FHOD3: variants seen among roughly 807,000 people sequenced by gnomAD.
The protein encoded by FHOD3 is formin homology 2 domain containing 3, also known as FH1/FH2 domain-containing protein 3.
Under a neutral mutation model 173.0 loss-of-function variants are expected in FHOD3, and 90 were observed. The ratio of observed to expected loss-of-function variants is 0.52; its 90% CI spans 0.44 to 0.62. The LOEUF (loss-of-function observed/expected upper bound fraction) is 0.62. FHOD3 is among the 20% of genes least tolerant of loss of function. The probability of loss-of-function intolerance (pLI) is 0.00; values close to 1 mark genes in which losing one functional copy is unlikely to be tolerated. For missense variants in FHOD3, 1,945 were observed against 2,034.7 expected (o/e 0.96, Z 0.85); for synonymous variants, 828 against 823.0 (o/e 1.01, Z -0.10).
rs2040570790 is a variant in FHOD3, at chr18:36,718,296, C to T, written c.2998C>T (p.Leu1000=). 2 of 1,614,034 alleles carry T rather than the reference C, an allele frequency of 1.2e-6. No homozygotes were observed. The highest frequency in any genetic ancestry group is 2.7e-5 in the African/African-American group (2 of 74,906). The change falls in exon 19 of 29, where the codon CTG becomes TTG. Residue 1000 remains leucine, a synonymous_variant. Coordinates refer to ENST00000590592, the MANE Select transcript of FHOD3 (RefSeq NM_001281740.3). ...AATCCAAGACATGGATTTCACTGACCTGGGGGAGGAGGATGACATTGATGT... is the reference window on the plus strand; with the variant it reads ...AATCCAAGACATGGATTTCACTGACTTGGGGGAGGAGGATGACATTGATGT... ...LRIQDMDFTD[L]GEEDDIDVLD...
chr18:36,399,620 G>C (rs1157157816), intron 3 of FHOD3, among the ~76,000 whole-genome samples: 1 of 152,198 alleles, frequency 6.6e-6, no homozygotes, highest in Non-Finnish European at 1.5e-5. Context: ...CTCAGGGCAT[G>C]CACCTTGCTG....
At chr18:36,327,009 A>G (rs2044706022) in intron 1 of FHOD3, among the ~76,000 whole-genome samples, 1 of 152,178 alleles carries the variant, frequency 6.6e-6, no homozygotes, top group Non-Finnish European at 1.5e-5. Flanking sequence ...GAACCAGACA[A>G]AAATAGGCAC....
intron 2 of FHOD3, among the ~76,000 whole-genome samples, chr18:36,363,828 A>G (rs1213690429): frequency 1.3e-5 from 2 of 151,010 alleles, no homozygotes; most frequent in African/African-American, 2.4e-5. Flanking sequence ...AATATCAGTT[A>G]ATCTGTTGTA....
At chr18:36,594,969 A>G (rs752679918) in intron 7 of FHOD3, 71 bp downstream of exon 7, 4 of 958,752 alleles carry the variant, frequency 4.2e-6, no homozygotes, top group Non-Finnish European at 4.8e-6. Context: ...TGTGTTGTAC[A>G]TGCTTGAGAC....
rs544657315 is a variant in FHOD3, at chr18:36,432,698, G to A, written c.337+59954G>A. Among the ~76,000 whole-genome samples the A allele has an allele frequency of 2.5e-3, 385 of 152,312 alleles. 1 individual carries two copies. Among genetic ancestry groups the A allele is most frequent in the African/African-American group, 8.7e-3 (360 of 41,580 alleles). ...TTGAGCTCATGGGTCACTGTCAACT[G>A]CAGAGGACAGTAAATGGCTCCTTCT... On this transcript the variant is annotated intron_variant, in intron 3 of 28. Transcript: ENST00000590592.
chr18:36,337,849 G>A (rs1241586684), intron 1 of FHOD3, among the ~76,000 whole-genome samples: 1 of 152,124 alleles, frequency 6.6e-6, no homozygotes, highest in African/African-American at 2.4e-5. Flanking sequence ...TGCATCTCAG[G>A]CATCTCACAG....
At chr18:36,456,444 G>T (rs748417248) in intron 3 of FHOD3, among the ~76,000 whole-genome samples, 2 of 152,108 alleles carry the variant, frequency 1.3e-5, no homozygotes, top group Non-Finnish European at 2.9e-5. Context: ...AAGGACAGTT[G>T]ATTGTAATAG....
chr18:36,569,944 C>A (rs992058167), intron 5 of FHOD3, among the ~76,000 whole-genome samples: 3 of 151,916 alleles, frequency 2.0e-5, no homozygotes, highest in African/African-American at 7.2e-5. Context: ...CTAGCATTAC[C>A]TGCATATATT....
At chr18:36,556,681 GTT>G (rs898829351) in intron 5 of FHOD3, among the ~76,000 whole-genome samples, 8 of 152,112 alleles carry the variant, frequency 5.3e-5, no homozygotes, top group African/African-American at 9.7e-5. Context: ...TTATTTTTCT[GTT>G]TAAGTAGCCA....
chr18:36,548,606 C>G (rs536922883), intron 5 of FHOD3, among the ~76,000 whole-genome samples: 1 of 152,190 alleles, frequency 6.6e-6, no homozygotes, highest in African/African-American at 2.4e-5. Flanking sequence ...CCCATCCCTT[C>G]CCCAGGCAAC....
chr18:36,664,130 G>A (rs1419358537), intron 14 of FHOD3, among the ~76,000 whole-genome samples: 1 of 151,924 alleles, frequency 6.6e-6, no homozygotes, highest in Non-Finnish European at 1.5e-5. Flanking sequence ...TGTGCAATGG[G>A]GTTCTAGTTT....
intron 3 of FHOD3, among the ~76,000 whole-genome samples, chr18:36,431,617 G>A (rs1164315296): frequency 6.6e-6 from 1 of 152,140 alleles, no homozygotes; most frequent in African/African-American, 2.4e-5. Context: ...GGCCTCTAAG[G>A]TCCCTTCCAA....
chr18:36,430,112 A>G lies in FHOD3; in HGVS notation c.337+57368A>G, dbSNP rs569647195. 8.5e-5 allele frequency among the ~76,000 whole-genome samples: 13 copies of G among 152,352 alleles called. No homozygotes were observed. In the South Asian group the frequency reaches 2.7e-3, roughly 32 times the overall value. On this transcript the variant is annotated intron_variant, in intron 3 of 28. Transcript: ENST00000590592. ...GAAGGGTCTTCATTTGAAAGAGAAC[A>G]AAGATATAGGACTATGTCAGCCCCT...
chr18:36,529,082 G>T (rs960284208), intron 5 of FHOD3, among the ~76,000 whole-genome samples: 14 of 152,236 alleles, frequency 9.2e-5, no homozygotes, highest in African/African-American at 3.4e-4. Flanking sequence ...CCTTGGAGTT[G>T]TATAAATAGA....
At chr18:36,598,275 G>T (rs899752044) in intron 7 of FHOD3, among the ~76,000 whole-genome samples, 1 of 152,184 alleles carries the variant, frequency 6.6e-6, no homozygotes, top group African/African-American at 2.4e-5. Context: ...AAAACTGTCA[G>T]ATTTAAGGAA....
chr18:36,302,966 A>G (rs1450331999), intron 1 of FHOD3, among the ~76,000 whole-genome samples: 1 of 152,218 alleles, frequency 6.6e-6, no homozygotes, highest in Non-Finnish European at 1.5e-5. Context: ...TGTTTCATGC[A>G]TGGCCACAGA....
intron 27 of FHOD3, among the ~76,000 whole-genome samples, chr18:36,763,911 G>A (rs1479853932): frequency 2.0e-5 from 3 of 152,122 alleles, no homozygotes; most frequent in Admixed American, 6.5e-5. Context: ...CTCTGAGATC[G>A]GGTCTTTCCA....
chr18:36,420,911 G>C lies in FHOD3; in HGVS notation c.337+48167G>C, dbSNP rs904439670. Among the ~76,000 whole-genome samples, 4 of 152,144 alleles carry C rather than the reference G, an allele frequency of 2.6e-5. No homozygotes were observed. In the South Asian group the frequency reaches 8.3e-4, roughly 32 times the overall value. On this transcript the variant is annotated intron_variant, in intron 3 of 28. Transcript: ENST00000590592. ...CATCTCTTGTTAGTTTTTCATTTCA[G>C]CTGTTGACTCCTCAGTAGTGCTGGA... is the stretch of plus-strand genomic sequence containing the variant.
chr18:36,394,390 G>T (rs1216321923), intron 3 of FHOD3, among the ~76,000 whole-genome samples: 2 of 152,114 alleles, frequency 1.3e-5, no homozygotes, highest in Admixed American at 6.5e-5. Context: ...TCTGGAAATG[G>T]CATATAGAAT....
Sources: allele counts gnomAD v4.1 joint callset (sites outside exome capture counted in the v4.1 genomes callset), GRCh38; gene constraint gnomAD v4.1.1; transcripts MANE v1.5; gene names NCBI Gene and HGNC (gene_info 2026-07-23, HGNC 2026-07-21).